DAB1: variants seen among roughly 807,000 people sequenced by gnomAD.
The protein encoded by DAB1 is DAB adaptor protein 1.
Under a neutral mutation model 64.6 loss-of-function variants are expected in DAB1, and 15 were observed. That is an observed-to-expected ratio of 0.23 (90% CI 0.16 to 0.36). The LOEUF (loss-of-function observed/expected upper bound fraction) is 0.36, where lower values mean the gene tolerates loss of function less well. Among genes scored for constraint, DAB1 ranks in the 10% least tolerant of loss-of-function variants. The probability of loss-of-function intolerance (pLI) is 1.00; values close to 1 mark genes in which losing one functional copy is unlikely to be tolerated. For missense variants in DAB1, 596 were observed against 706.7 expected (o/e 0.84, Z 1.78); for synonymous variants, 235 against 251.9 (o/e 0.93, Z 0.64).
At chr1:57,058,902 T>G (rs1467665400) in intron 9 of DAB1, among the ~76,000 whole-genome samples, 1 of 152,210 alleles carries the variant, frequency 6.6e-6, no homozygotes, top group Non-Finnish European at 1.5e-5. Flanking sequence ...TCTGCCAAGG[T>G]TTTTGAGGAA....
At chr1:58,023,400 T>TA (rs1646842799) in intron 5 of DAB1, among the ~76,000 whole-genome samples, 1 of 152,146 alleles carries the variant, frequency 6.6e-6, no homozygotes, top group Non-Finnish European at 1.5e-5. Flanking sequence ...GGAAAGCTTT[T>TA]AAAAAACTAC....
intron 6 of DAB1, among the ~76,000 whole-genome samples, chr1:57,820,879 T>C (rs986555363): frequency 3.3e-5 from 5 of 152,232 alleles, no homozygotes; most frequent in Non-Finnish European, 5.9e-5. Flanking sequence ...GCTCAATAGC[T>C]TATGAGCCTC....
intron 4 of DAB1, among the ~76,000 whole-genome samples, chr1:57,105,870 T>A (rs1049093418): frequency 1.3e-5 from 2 of 152,194 alleles, no homozygotes; most frequent in Admixed American, 1.3e-4. Context: ...TGGAGGAAAG[T>A]GGACCTGGAT....
chr1:58,018,730 T>C (rs888749463), intron 5 of DAB1, among the ~76,000 whole-genome samples: 1 of 152,240 alleles, frequency 6.6e-6, no homozygotes, highest in Non-Finnish European at 1.5e-5. Flanking sequence ...AATCACTTCA[T>C]GTTTCCTAAT....
At chr1:58,024,060 A>G (rs1646852229) in intron 5 of DAB1, among the ~76,000 whole-genome samples, 1 of 152,190 alleles carries the variant, frequency 6.6e-6, no homozygotes, top group Non-Finnish European at 1.5e-5. Context: ...TTTGTCAAGC[A>G]ACACTCTCAG....
rs533992565 is a variant in DAB1 at position 57,270,565 on chromosome 1, G to A, written c.67+20399C>T. On this transcript the variant is annotated intron_variant, in intron 2 of 14. Coordinates refer to ENST00000371236, the MANE Select transcript of DAB1 (RefSeq NM_001365792.1). The stretch of plus-strand genomic sequence containing the variant: ...CCATATTCACCACATTCAGATGTGG[G>A]AGAAGCAAGGTTCAAATCCAGGTCT... Among the ~76,000 whole-genome samples, 6 of 152,308 alleles carry A rather than the reference G, an allele frequency of 3.9e-5. No homozygotes were observed. The South Asian group carries it at 1.2e-3, about 32-fold the overall frequency.
At chr1:57,960,519 T>C in intron 5 of DAB1, among the ~76,000 whole-genome samples, 1 of 149,970 alleles carries the variant, frequency 6.7e-6, no homozygotes, top group East Asian at 1.9e-4. Context: ...GAAATCTATG[T>C]GAGTGTTAAA....
At chr1:58,429,231 T>TA (rs1345134747) in intron 3 of DAB1, among the ~76,000 whole-genome samples, 3 of 152,022 alleles carry the variant, frequency 2.0e-5, no homozygotes, top group Admixed American at 6.6e-5. Flanking sequence ...ACTCTGTCTC[T>TA]AAAAAAAATT....
At chr1:57,933,276 GT>G (rs1292642945) in intron 5 of DAB1, among the ~76,000 whole-genome samples, 3 of 152,196 alleles carry the variant, frequency 2.0e-5, no homozygotes, top group African/African-American at 7.2e-5. Flanking sequence ...GCCTACCTGT[GT>G]TTCCAATCTG....
intron 6 of DAB1, among the ~76,000 whole-genome samples, chr1:57,792,675 T>C (rs934123645): frequency 5.3e-5 from 8 of 152,220 alleles, no homozygotes; most frequent in Non-Finnish European, 1.2e-4. Flanking sequence ...CCTGAAACCT[T>C]ATTAATGTTC....
At chr1:57,347,803 A>G (rs754769847) in intron 1 of DAB1, among the ~76,000 whole-genome samples, 88 of 152,146 alleles carry the variant, frequency 5.8e-4, no homozygotes, top group Non-Finnish European at 1.1e-3. Flanking sequence ...TTTAAGCGGC[A>G]GATTTGTCTT....
intron 6 of DAB1, among the ~76,000 whole-genome samples, chr1:57,738,093 C>T (rs1647782602): frequency 6.6e-6 from 1 of 152,168 alleles, no homozygotes; most frequent in Admixed American, 6.5e-5. Context: ...GAAAGGGGCC[C>T]AGGACTAGAA....
chr1:57,870,840 C>T (rs1408070582), intron 1 of DAB1, among the ~76,000 whole-genome samples: 1 of 152,180 alleles, frequency 6.6e-6, no homozygotes, highest in East Asian at 1.9e-4. Context: ...GACAAACTCA[C>T]ATCTTGCCAA....
chr1:58,129,185 G>C (rs543754899), intron 5 of DAB1, among the ~76,000 whole-genome samples: 78 of 151,046 alleles, frequency 5.2e-4, no homozygotes, highest in African/African-American at 1.8e-3. Flanking sequence ...TTTAGTCTTG[G>C]GAGACTGTAT....
At chr1:57,657,262 T>A (rs887970569) in intron 6 of DAB1, among the ~76,000 whole-genome samples, 3 of 152,158 alleles carry the variant, frequency 2.0e-5, no homozygotes, top group Admixed American at 6.5e-5. Flanking sequence ...CATCTGCACA[T>A]CCCCAAGAAC....
intron 3 of DAB1, among the ~76,000 whole-genome samples, chr1:58,367,826 A>C (rs1644230655): frequency 6.6e-6 from 1 of 152,006 alleles, no homozygotes; most frequent in Admixed American, 6.5e-5. Context: ...GCTACTATAT[A>C]CTCACTAATA....
chr1:57,071,143 A>C, intron 6 of DAB1, 82 bp from the exon 7 acceptor site: 3 of 1,338,064 alleles, frequency 2.2e-6, no homozygotes, highest in Non-Finnish European at 3.2e-6. Context: ...AAATTACAGG[A>C]CAGTAAAGAA....
At chr1:57,934,109 T>C (rs1191234303) in intron 5 of DAB1, among the ~76,000 whole-genome samples, 1 of 59,408 alleles carries the variant, frequency 1.7e-5, no homozygotes, top group Non-Finnish European at 4.2e-5. Context: ...GTGTGTTTAG[T>C]AGAGACGAGG....
At chr1:57,341,891 A>G (rs150054969) in intron 1 of DAB1, among the ~76,000 whole-genome samples, 192 of 152,302 alleles carry the variant, frequency 1.3e-3, no homozygotes, top group African/African-American at 4.4e-3. Context: ...AAGCACTGAG[A>G]AGCTCCTAGG....
Sources: gnomAD v4.1 joint callset for allele counts (sites outside exome capture counted in the v4.1 genomes callset) on GRCh38, gnomAD v4.1.1 for gene constraint, MANE v1.5 for transcripts, NCBI Gene and HGNC (gene_info 2026-07-23, HGNC 2026-07-21) for gene names.